The following SLC4A4 variants were observed in gnomAD, a reference collection of about 807,000 sequenced individuals.
SLC4A4 encodes electrogenic sodium bicarbonate cotransporter 1.
SLC4A4 carries 27 observed loss-of-function variants against 111.5 expected under a neutral mutation model. That is an observed-to-expected ratio of 0.24 (90% CI 0.18 to 0.33). The LOEUF is 0.33. Ranked by LOEUF, SLC4A4 falls within the 10% of genes least tolerant of loss-of-function variation. The pLI is 1.00. For missense variants in SLC4A4, 909 were observed against 1,315.5 expected, an observed-to-expected ratio of 0.69 and a Z score of 4.78; for synonymous variants, 443 against 463.4, an observed-to-expected ratio of 0.96 and a Z score of 0.57.
At chr4:71,145,731 G>A (rs1578522137) in intron 2 of SLC4A4, among the ~76,000 whole-genome samples, 1 of 152,122 alleles carries the variant, frequency 6.6e-6, no homozygotes, top group South Asian at 2.1e-4. Context: ...TAGTTTATTT[G>A]CGTAGAGGTG....
intron 7 of SLC4A4, among the ~76,000 whole-genome samples, chr4:71,423,463 T>C (rs1304329206): frequency 6.6e-6 from 1 of 152,224 alleles, no homozygotes; most frequent in Admixed American, 6.5e-5. Context: ...ACCAATGACT[T>C]TCTTCACAGA....
intron 14 of SLC4A4, among the ~76,000 whole-genome samples, chr4:71,480,087 T>C (rs146397685): frequency 2.8e-3 from 419 of 149,836 alleles, no homozygotes; most frequent in Middle Eastern, 0.011. Flanking sequence ...AGTGGCATGA[T>C]CATAGCTCAG....
At chr4:71,276,450 C>A (rs1490132319) in intron 3 of SLC4A4, among the ~76,000 whole-genome samples, 1 of 152,202 alleles carries the variant, frequency 6.6e-6, no homozygotes, top group East Asian at 1.9e-4. Flanking sequence ...TATAGTTACA[C>A]CCCCTCCTTT....
intron 6 of SLC4A4, among the ~76,000 whole-genome samples, chr4:71,375,317 T>A (rs975373517): frequency 5.3e-5 from 8 of 152,220 alleles, no homozygotes; most frequent in African/African-American, 1.9e-4. Flanking sequence ...CATAGTGAAC[T>A]AAAGTTGATT....
At chr4:71,242,758 A>C (rs1720351288) in intron 2 of SLC4A4, among the ~76,000 whole-genome samples, 1 of 151,130 alleles carries the variant, frequency 6.6e-6, no homozygotes, top group African/African-American at 2.4e-5. Flanking sequence ...TTTTCTTATA[A>C]TTTTATATAA....
chr4:71,136,818 A>AT (rs377240933), intron 2 of SLC4A4, among the ~76,000 whole-genome samples: 17 of 151,980 alleles, frequency 1.1e-4, no homozygotes, highest in African/African-American at 2.4e-4. Flanking sequence ...CAGCAATAGC[A>AT]TTTTTTTTGG....
chr4:71,132,696 G>GA (rs1216862901), intron 2 of SLC4A4, among the ~76,000 whole-genome samples: 1 of 152,100 alleles, frequency 6.6e-6, no homozygotes, highest in Non-Finnish European at 1.5e-5. Context: ...GTAAGATGAA[G>GA]AAAAAAATCA....
At chr4:71,286,637 A>G (rs757554562) in intron 3 of SLC4A4, among the ~76,000 whole-genome samples, 3 of 152,242 alleles carry the variant, frequency 2.0e-5, no homozygotes, top group Non-Finnish European at 4.4e-5. Flanking sequence ...CTATTTGTGT[A>G]TAGCTATACC....
rs1029895649 is a variant in SLC4A4 at position 71,112,991 on chromosome 4, C to T, written c.-2+20199C>T. The stretch of plus-strand genomic sequence containing the variant: ...ATATGGGAAAATGAGGACCTTTACC[C>T]TGCAGTTTGATCTTGAAGAGTAGAT... On this transcript the variant is annotated intron_variant, in intron 2 of 26. Coordinates refer to the SLC4A4 transcript ENST00000649996. 5.3e-5 allele frequency among the ~76,000 whole-genome samples: 8 copies of T among 152,260 alleles called. 1 individual carries two copies. The highest frequency in any genetic ancestry group is 1.9e-4 in the African/African-American group (8 of 41,550).
chr4:71,442,127 A>C (rs984309169), intron 8 of SLC4A4, among the ~76,000 whole-genome samples: 2 of 152,202 alleles, frequency 1.3e-5, no homozygotes, highest in Admixed American at 6.5e-5. Flanking sequence ...TTGGCTTTTC[A>C]TTTTTATTAC....
At chr4:71,494,221 A>G (rs1730195847) in intron 15 of SLC4A4, among the ~76,000 whole-genome samples, 1 of 152,110 alleles carries the variant, frequency 6.6e-6, no homozygotes, top group Non-Finnish European at 1.5e-5. Context: ...AAATTGTAAT[A>G]AAACATTACA....
intron 3 of SLC4A4, among the ~76,000 whole-genome samples, chr4:71,309,800 C>T (rs1459336149): frequency 2.0e-5 from 3 of 151,986 alleles, no homozygotes; most frequent in African/African-American, 7.2e-5. Flanking sequence ...AACTCCTTTC[C>T]AGCAAGGGCA....
intron 3 of SLC4A4, among the ~76,000 whole-genome samples, chr4:71,338,074 C>A (rs1282717048): frequency 6.6e-6 from 1 of 151,958 alleles, no homozygotes; most frequent in East Asian, 1.9e-4. Flanking sequence ...CTCAGGTGAT[C>A]CACCCGCCTC....
chr4:71,333,901 C>A (rs1352974033), intron 3 of SLC4A4, among the ~76,000 whole-genome samples: 1 of 142,112 alleles, frequency 7.0e-6, no homozygotes, highest in Admixed American at 7.1e-5. Flanking sequence ...GGGTTTCTAA[C>A]TTCAGGGAAG....
intron 21 of SLC4A4, among the ~76,000 whole-genome samples, chr4:71,556,966 G>A (rs945789375): frequency 3.3e-5 from 5 of 151,814 alleles, no homozygotes; most frequent in South Asian, 4.2e-4. Context: ...CTTCCCATTC[G>A]TCACTGGCAA....
chr4:71,245,575 G>A (rs1038299584), intron 2 of SLC4A4, among the ~76,000 whole-genome samples: 1 of 152,112 alleles, frequency 6.6e-6, no homozygotes, highest in South Asian at 2.1e-4. Context: ...AACAGTGGAG[G>A]AAGAGTGGTG....
At chr4:71,360,168 C>T (rs1726767775) in intron 6 of SLC4A4, among the ~76,000 whole-genome samples, 1 of 152,118 alleles carries the variant, frequency 6.6e-6, no homozygotes, top group South Asian at 2.1e-4. Context: ...AGTCTGTGCT[C>T]TTAAGGTTAT....
intron 1 of SLC4A4, among the ~76,000 whole-genome samples, chr4:71,206,798 G>T (rs1371188534): frequency 2.7e-5 from 4 of 150,294 alleles, no homozygotes; most frequent in Non-Finnish European, 4.4e-5. Context: ...CATTCATTTT[G>T]ATTATTATTA....
intron 3 of SLC4A4, among the ~76,000 whole-genome samples, chr4:71,331,031 A>G (rs1016709712): frequency 1.3e-5 from 2 of 152,312 alleles, no homozygotes; most frequent in Non-Finnish European, 2.9e-5. Context: ...CCACAATGAG[A>G]TACCATCTCA....
Sources: gnomAD v4.1 joint callset for allele counts (sites outside exome capture counted in the v4.1 genomes callset) on GRCh38, gnomAD v4.1.1 for gene constraint, MANE v1.5 for transcripts, NCBI Gene and HGNC (gene_info 2026-07-23, HGNC 2026-07-21) for gene names.